The following ABHD2 variants were observed in gnomAD, a reference collection of about 807,000 sequenced individuals.
ABHD2 encodes monoacylglycerol lipase ABHD2.
A neutral mutation model predicts 48.1 loss-of-function variants in ABHD2; 20 were observed. The observed-to-expected ratio is 0.42, with a 90% confidence interval of 0.29 to 0.60. ABHD2 has a LOEUF of 0.60. Ranked by LOEUF, ABHD2 falls within the 20% of genes least tolerant of loss-of-function variation. The probability of loss-of-function intolerance (pLI) is 0.24; values close to 1 mark genes in which losing one functional copy is unlikely to be tolerated. For missense variants in ABHD2, 405 were observed against 550.9 expected (o/e 0.74, Z 2.65); for synonymous variants, 209 against 214.2 (o/e 0.98, Z 0.21).
chr15:89,160,497 T>A (rs1012587885), intron 5 of ABHD2, among the ~76,000 whole-genome samples: 5 of 152,106 alleles, frequency 3.3e-5, no homozygotes, highest in Non-Finnish European at 5.9e-5. Flanking sequence ...TACCTGTTTT[T>A]TTTTTTTCTT....
At chr15:89,069,501 G>A in the ABHD2 span, among the ~76,000 whole-genome samples, 5 of 151,814 alleles carry the variant, frequency 3.3e-5, no homozygotes, top group South Asian at 2.1e-4. Context: ...TCTGACCCTC[G>A]ATCGAAAGTA....
intron 1 of ABHD2, among the ~76,000 whole-genome samples, chr15:89,089,302 C>T (rs1901498117): frequency 6.6e-6 from 1 of 152,216 alleles, no homozygotes; most frequent in Admixed American, 6.5e-5. Flanking sequence ...CCCACAAATG[C>T]ACTCTAAGTG....
chr15:89,063,659 T>G, the ABHD2 span, among the ~76,000 whole-genome samples: 3 of 152,142 alleles, frequency 2.0e-5, no homozygotes, highest in Non-Finnish European at 4.4e-5. Context: ...AAATTTACCA[T>G]TTTAAGCATG....
chr15:89,151,979 C>A lies in ABHD2; in HGVS notation c.370+127C>A. 1 of 1,269,386 alleles carries A rather than the reference C, an allele frequency of 7.9e-7. No homozygotes were observed. 78.6% of individuals were successfully genotyped at this position (1,269,386 alleles called of 1,614,324 possible). A position where few individuals can be genotyped will look rare whatever the true frequency, so the allele number is the denominator to read the frequency against. ...ATGGCATCAGGGGCTGTTGGGAAGCCTGCTGGGATTCGTCACTTAGGAGCA... is the reference window on the plus strand; with the variant it reads ...ATGGCATCAGGGGCTGTTGGGAAGCATGCTGGGATTCGTCACTTAGGAGCA... On this transcript the variant is annotated intron_variant, in intron 4 of 10. Coordinates refer to ENST00000352732, the MANE Select transcript of ABHD2 (RefSeq NM_152924.5). The surrounding 1 kb of genome is among the most constrained non-coding windows in gnomAD (Gnocchi z 4.7).
the ABHD2 span, among the ~76,000 whole-genome samples, chr15:89,056,144 C>T: frequency 2.0e-5 from 3 of 152,196 alleles, no homozygotes; most frequent in Admixed American, 6.5e-5. Context: ...TGAGCTGCCA[C>T]GCCTAGCCTG....
In ABHD2 at chr15:89,188,225, C is replaced by T; in HGVS notation, c.848C>T (p.Pro283Leu). Reference sequence around the variant, plus strand: ...CTTTTTGGAGACCATGTTAAGAAACCCCAGAGCCTGGAAGACACGGACTTG... The same window carrying T: ...CTTTTTGGAGACCATGTTAAGAAACTCCAGAGCCTGGAAGACACGGACTTG... ...QALFGDHVKKPQSLEDTDLSR... is the reference protein window; with the variant it reads ...QALFGDHVKKLQSLEDTDLSR... Residue 283 changes from proline to leucine, a missense_variant, in exon 8 of 11, where the codon CCC becomes CTC. By Grantham distance (98) the Pro-to-Leu change is moderately conservative. Coordinates refer to ENST00000352732, the MANE Select transcript of ABHD2 (RefSeq NM_152924.5). This position sits in a 1 kb window ranked among gnomAD's most constrained non-coding sequence, Gnocchi z 4.1. 3 of 1,614,168 alleles carry T rather than the reference C, an allele frequency of 1.9e-6. No individual in the cohort carries two copies. Among genetic ancestry groups the T allele is most frequent in the Non-Finnish European group, 2.5e-6 (3 of 1,180,028 alleles).
At chr15:89,148,219 G>T (rs907901937) in intron 3 of ABHD2, among the ~76,000 whole-genome samples, 6 of 151,600 alleles carry the variant, frequency 4.0e-5, no homozygotes, top group Admixed American at 3.9e-4. Flanking sequence ...GCTTAATGTA[G>T]GGATAATAAA....
In ABHD2 at chr15:89,199,996, G is replaced by C. The variant is rs1408479179; in HGVS notation, c.*4573G>C. On this transcript the variant is annotated 3_prime_UTR_variant, in exon 11 of 11. Transcript: ENST00000352732. This position sits in a 1 kb window ranked among gnomAD's most constrained non-coding sequence, Gnocchi z 4.1. ...GCTGCCTCGGAACGCTGCAGCCCAG[G>C]CTTCCTCCCACAGTGGCCCTTGGAA... The C allele has an allele frequency of 6.6e-6, 1 of 152,594 alleles. No individual in the cohort carries two copies. Among genetic ancestry groups the C allele is most frequent in the Non-Finnish European group, 1.5e-5 (1 of 68,052 alleles). 9.5% of individuals were successfully genotyped at this position (152,594 alleles called of 1,614,324 possible). A position where few individuals can be genotyped will look rare whatever the true frequency, so the allele number is the denominator to read the frequency against.
At chr15:89,077,888 C>T in the ABHD2 span, among the ~76,000 whole-genome samples, 14 of 152,140 alleles carry the variant, frequency 9.2e-5, no homozygotes, top group Admixed American at 7.9e-4. Flanking sequence ...GCTTTTGCAA[C>T]GTGTTACCTA....
Position 89,188,409 on chromosome 15 carries a change from T to C in ABHD2, c.926+106T>C. The C allele has an allele frequency of 1.1e-6, 1 of 911,814 alleles. No individual in the cohort carries two copies. Among genetic ancestry groups the C allele is most frequent in the Non-Finnish European group, 1.7e-6 (1 of 596,294 alleles). 56.5% of individuals were successfully genotyped at this position (911,814 alleles called of 1,614,324 possible). On this transcript the variant is annotated intron_variant, in intron 8 of 10. Transcript: ENST00000352732. The surrounding 1 kb of genome is among the most constrained non-coding windows in gnomAD (Gnocchi z 4.1). ...AGTGTTTGCTCTGCCTACTTGAGTGTTAAGGGTGTTTTTTTCCCTTTAAGT... is the reference window on the plus strand; with the variant it reads ...AGTGTTTGCTCTGCCTACTTGAGTGCTAAGGGTGTTTTTTTCCCTTTAAGT...
chr15:89,152,374 C>T (rs555950451), intron 4 of ABHD2, among the ~76,000 whole-genome samples: 2 of 152,300 alleles, frequency 1.3e-5, no homozygotes, highest in South Asian at 4.1e-4. Context: ...CCACCGCCCC[C>T]AGCCGTAGAA....
At chr15:89,062,679 C>T in the ABHD2 span, among the ~76,000 whole-genome samples, 8 of 152,098 alleles carry the variant, frequency 5.3e-5, no homozygotes, top group Non-Finnish European at 1.0e-4. Context: ...TGAGCCACCG[C>T]ACCCAGTTGG....
chr15:89,058,867 G>A, the ABHD2 span, among the ~76,000 whole-genome samples: 1 of 151,438 alleles, frequency 6.6e-6, no homozygotes, highest in Admixed American at 6.5e-5. Context: ...GTAATGGGTG[G>A]TGGCGCAGAA....
In ABHD2 at chr15:89,173,333, G is replaced by A. The variant is rs573858350; in HGVS notation, c.539-2479G>A. On this transcript the variant is annotated intron_variant, in intron 5 of 10. Coordinates refer to ENST00000352732, the MANE Select transcript of ABHD2 (RefSeq NM_152924.5). This position sits in a 1 kb window ranked among gnomAD's most constrained non-coding sequence, Gnocchi z 6.5. The stretch of plus-strand genomic sequence containing the variant: ...CATGCCTGTAATCCCAGCACTTTGG[G>A]AGGCGGAGGCAGGCAGATCACCTGA... Among the ~76,000 whole-genome samples the A allele has an allele frequency of 1.3e-3, 200 of 152,324 alleles. No individual in the cohort carries two copies. The highest frequency in any genetic ancestry group is 2.3e-3 in the Non-Finnish European group (154 of 68,030).
At chr15:89,152,340 A>G (rs1278303182) in intron 4 of ABHD2, among the ~76,000 whole-genome samples, 2 of 152,058 alleles carry the variant, frequency 1.3e-5, no homozygotes, top group South Asian at 2.1e-4. Flanking sequence ...CGGCCTCCCA[A>G]AGTGCTGGGA....
chr15:89,092,896 T>C lies in ABHD2; in HGVS notation c.-107+4333T>C, dbSNP rs1028179628. Among the ~76,000 whole-genome samples, 5 of 152,256 alleles carry C rather than the reference T, an allele frequency of 3.3e-5. No individual in the cohort carries two copies. Among genetic ancestry groups the C allele is most frequent in the Admixed American group, 2.0e-4 (3 of 15,292 alleles). On this transcript the variant is annotated intron_variant, in intron 1 of 10. Transcript: ENST00000352732. This position sits in a 1 kb window ranked among gnomAD's most constrained non-coding sequence, Gnocchi z 4.4. ...AACAGTCTTATTTAGGCAGCAGCTT[T>C]GCTGGAGATCTTAAAGATCTTGTGA...
At position 89,185,237 on chromosome 15, in the gene ABHD2, T is replaced by C. The variant is rs2051186247; in HGVS notation, c.723-187T>C. Reference sequence around the variant, plus strand: ...GTCCCCTTCCCCTGCGCTGTCTTGGTGTCTCCATAGATTTCTCCACAGGTG... The same window carrying C: ...GTCCCCTTCCCCTGCGCTGTCTTGGCGTCTCCATAGATTTCTCCACAGGTG... On this transcript the variant is annotated intron_variant, in intron 6 of 10. Coordinates refer to ENST00000352732, the MANE Select transcript of ABHD2 (RefSeq NM_152924.5). The surrounding 1 kb of genome is among the most constrained non-coding windows in gnomAD (Gnocchi z 5.9). 6.6e-6 allele frequency among the ~76,000 whole-genome samples: 1 copy of C among 152,176 alleles called. No homozygotes were observed.
chr15:89,187,829 G>A (rs2051236760), intron 7 of ABHD2, among the ~76,000 whole-genome samples: 1 of 152,218 alleles, frequency 6.6e-6, no homozygotes, highest in African/African-American at 2.4e-5. Context: ...TTAAGGGGAA[G>A]GGTCTCTGCC....
At chr15:89,183,380 A>ATATAT (rs1198026419) in intron 6 of ABHD2, 98 of 58,268 alleles carry the variant, frequency 1.7e-3, no homozygotes, top group African/African-American at 5.6e-3. Context: ...AAAAAAAAAA[A>ATATAT]AAAAATATAT....
Sources: allele counts gnomAD v4.1 joint callset (sites outside exome capture counted in the v4.1 genomes callset), GRCh38; gene constraint gnomAD v4.1.1; non-coding constraint Gnocchi (gnomAD v3.1); transcripts MANE v1.5; gene names NCBI Gene and HGNC (gene_info 2026-07-23, HGNC 2026-07-21).